Variants in RGCC observed in about 807,000 individuals in gnomAD.
RGCC encodes the protein regulator of cell cycle RGCC.
RGCC carries 15 observed loss-of-function variants against 15.4 expected under a neutral mutation model. The ratio of observed to expected loss-of-function variants is 0.97; its 90% CI spans 0.65 to 1.50. The LOEUF (loss-of-function observed/expected upper bound fraction) is 1.50, where lower values mean the gene tolerates loss of function less well. Among genes scored for constraint, RGCC ranks in the 40% most tolerant of loss-of-function variants. The pLI, the probability that RGCC is intolerant of heterozygous loss-of-function variation, is 0.00. For missense variants in RGCC, 176 were observed against 189.7 expected, an observed-to-expected ratio of 0.93 and a Z score of 0.42; for synonymous variants, 81 against 78.0, an observed-to-expected ratio of 1.04 and a Z score of -0.20.
chr13:41,469,376 G>A (rs1421180006), intron 4 of RGCC, among the ~76,000 whole-genome samples: 1 of 152,058 alleles, frequency 6.6e-6, no homozygotes, highest in Non-Finnish European at 1.5e-5. Context: ...GGATAAGCTT[G>A]TGTTAAAGTA....
Position 41,470,517 on chromosome 13 carries a change from G to A in RGCC, c.*32G>A. 6.2e-7 allele frequency: 1 copy of A among 1,611,518 alleles called. No individual in the cohort carries two copies. Among genetic ancestry groups the A allele is most frequent in the Non-Finnish European group, 8.5e-7 (1 of 1,177,804 alleles). ...AAGTTCTGGGTCCTTTCATCATAAGGGAGAAGCTTCAGAAAGTTCCGAGGA... is the reference window on the plus strand; with the variant it reads ...AAGTTCTGGGTCCTTTCATCATAAGAGAGAAGCTTCAGAAAGTTCCGAGGA... On this transcript the variant is annotated 3_prime_UTR_variant, in exon 5 of 5. Coordinates refer to ENST00000379359, the MANE Select transcript of RGCC (RefSeq NM_014059.3).
At position 41,457,827 on chromosome 13, in the gene RGCC, G is replaced by A; in HGVS notation, c.49+71G>A. ...TGGCGGGTGAGAAAGGAGGGGCCCCGTGTCGTCCCTTCACACCCCCCACCC... is the reference window on the plus strand; with the variant it reads ...TGGCGGGTGAGAAAGGAGGGGCCCCATGTCGTCCCTTCACACCCCCCACCC... On this transcript the variant is annotated intron_variant, in intron 1 of 4. Transcript: ENST00000379359. This position sits in a 1 kb window ranked among gnomAD's most constrained non-coding sequence, Gnocchi z 4.9. 1 of 1,346,378 alleles carries A rather than the reference G, an allele frequency of 7.4e-7. No homozygotes were observed. The highest frequency in any genetic ancestry group is 9.5e-7 in the Non-Finnish European group (1 of 1,048,000). 83.4% of individuals were successfully genotyped at this position (1,346,378 alleles called of 1,614,324 possible). A position where few individuals can be genotyped will look rare whatever the true frequency, so the allele number is the denominator to read the frequency against.
chr13:41,464,604 G>A (rs1483452515), intron 2 of RGCC, among the ~76,000 whole-genome samples: 2 of 152,168 alleles, frequency 1.3e-5, no homozygotes, highest in Non-Finnish European at 2.9e-5. Flanking sequence ...GGCTGGTTTT[G>A]TTTAACCGCA....
At chr13:41,462,074 G>A (rs1023554428) in intron 2 of RGCC, among the ~76,000 whole-genome samples, 1 of 152,202 alleles carries the variant, frequency 6.6e-6, no homozygotes, top group Non-Finnish European at 1.5e-5. Flanking sequence ...TTTTCAGGAG[G>A]AGAAGTCAAC....
chr13:41,463,469 CTG>C (rs67077388), intron 2 of RGCC, among the ~76,000 whole-genome samples: 75 of 121,190 alleles, frequency 6.2e-4, no homozygotes, highest in African/African-American at 9.9e-4. Flanking sequence ...TAATGTGTAT[CTG>C]TGTGTGTGTG....
chr13:41,459,048 G>T (rs572640342), intron 2 of RGCC, among the ~76,000 whole-genome samples: 3 of 152,222 alleles, frequency 2.0e-5, no homozygotes, highest in Admixed American at 2.0e-4. Flanking sequence ...TTTCAGCCAG[G>T]TCCTCCACCA....
intron 4 of RGCC, 126 bp downstream of exon 4, chr13:41,468,964 A>G: frequency 1.4e-6 from 1 of 693,528 alleles, no homozygotes; most frequent in Non-Finnish European, 2.4e-6. Context: ...CTATAGGTTT[A>G]GAAACAGGAC....
chr13:41,466,528 A>G (rs538239111), intron 2 of RGCC, among the ~76,000 whole-genome samples: 47 of 152,218 alleles, frequency 3.1e-4, no homozygotes, highest in South Asian at 8.3e-4. Flanking sequence ...AGCTGGGGCT[A>G]CAGACACACA....
At position 41,458,343 on chromosome 13, in the gene RGCC, C is replaced by T. The variant is rs1303136470; in HGVS notation, c.108C>T (p.Asp36=). The stretch of plus-strand genomic sequence containing the variant: ...TGTCGGACGCGCTGTGCGAGTTTGA[C>T]GCGGTGCTGGCCGACTTCGCGTCGC... ...EDLSDALCEF[D]AVLADFASPF... The change falls in exon 2 of 5, where the codon GAC becomes GAT. Residue 36 remains aspartate, a synonymous_variant. Transcript: ENST00000379359. The surrounding 1 kb of genome is among the most constrained non-coding windows in gnomAD (Gnocchi z 4.4). The T allele has an allele frequency of 1.3e-6, 2 of 1,590,256 alleles. No homozygotes were observed. The highest frequency in any genetic ancestry group is 1.7e-6 in the Non-Finnish European group (2 of 1,174,634).
rs546423304 is a variant in RGCC at position 41,462,604 on chromosome 13, C to T, written c.235+4134C>T. ...CAAATTATCACTGTTCTAGGTCCTTCGAGCCCCTATTAATAGCAGCACCTG... is the reference window on the plus strand; with the variant it reads ...CAAATTATCACTGTTCTAGGTCCTTTGAGCCCCTATTAATAGCAGCACCTG... On this transcript the variant is annotated intron_variant, in intron 2 of 4. Transcript: ENST00000379359. 3.3e-5 allele frequency among the ~76,000 whole-genome samples: 5 copies of T among 152,238 alleles called. No individual in the cohort carries two copies. In the South Asian group the frequency reaches 6.2e-4, roughly 19 times the overall value.
intron 2 of RGCC, among the ~76,000 whole-genome samples, chr13:41,459,947 G>A (rs1004793910): frequency 1.3e-5 from 2 of 152,196 alleles, no homozygotes; most frequent in African/African-American, 4.8e-5. Flanking sequence ...GTCTGAGCGC[G>A]CCCATTCATG....
intron 2 of RGCC, among the ~76,000 whole-genome samples, chr13:41,463,356 C>T (rs1466316945): frequency 6.6e-6 from 1 of 151,612 alleles, no homozygotes; most frequent in Non-Finnish European, 1.5e-5. Context: ...TCTTGGTGGT[C>T]GAAGGTTGAA....
chr13:41,463,469 CTGTGTGTGTGTG>C (rs67077388), intron 2 of RGCC, among the ~76,000 whole-genome samples: 81,451 of 120,912 alleles, frequency 0.67, 29,255 homozygotes, highest in South Asian at 0.87. Flanking sequence ...TAATGTGTAT[CTGTGTGTGTGTG>C]TGTGTGTGTG....
intron 2 of RGCC, among the ~76,000 whole-genome samples, chr13:41,462,338 T>G (rs144872561): frequency 6.6e-4 from 100 of 152,352 alleles, no homozygotes; most frequent in Middle Eastern, 3.4e-3. Flanking sequence ...AGCCTCTATT[T>G]TGCAGCAGTG....
In RGCC at chr13:41,458,737, T is replaced by G. The variant is rs558217546; in HGVS notation, c.235+267T>G. On this transcript the variant is annotated intron_variant, in intron 2 of 4. Coordinates refer to ENST00000379359, the MANE Select transcript of RGCC (RefSeq NM_014059.3). This position sits in a 1 kb window ranked among gnomAD's most constrained non-coding sequence, Gnocchi z 4.4. ...CCCGACTCAGCCAGACAGGACTCCCTGGACCTGCACCAGGCCTTTCCGCAG... is the reference window on the plus strand; with the variant it reads ...CCCGACTCAGCCAGACAGGACTCCCGGGACCTGCACCAGGCCTTTCCGCAG... Among the ~76,000 whole-genome samples, 12 of 152,280 alleles carry G rather than the reference T, an allele frequency of 7.9e-5. 1 individual carries two copies. The highest frequency in any genetic ancestry group is 2.9e-4 in the African/African-American group (12 of 41,562).
intron 3 of RGCC, among the ~76,000 whole-genome samples, chr13:41,468,155 T>C (rs1029995270): frequency 6.6e-6 from 1 of 152,210 alleles, no homozygotes; most frequent in African/African-American, 2.4e-5. Context: ...CCCAGAAGAC[T>C]CATGGCACCT....
chr13:41,457,568 G>C lies in RGCC; in HGVS notation c.-140G>C. 7.3e-7 allele frequency: 1 copy of C among 1,370,560 alleles called. No homozygotes were observed. The highest frequency in any genetic ancestry group is 1.6e-5 in the South Asian group (1 of 63,922). The allele number at this position is 1,370,560 out of a possible 1,614,324, so 84.9% of individuals were successfully genotyped here. On this transcript the variant is annotated 5_prime_UTR_variant, in exon 1 of 5. Coordinates refer to ENST00000379359, the MANE Select transcript of RGCC (RefSeq NM_014059.3). This position sits in a 1 kb window ranked among gnomAD's most constrained non-coding sequence, Gnocchi z 4.9. ...CGGTGGTAGGGCGGGCGCGGACCGTGCTGGGAGCGGCGCGGCTGGAGCGCA... is the reference window on the plus strand; with the variant it reads ...CGGTGGTAGGGCGGGCGCGGACCGTCCTGGGAGCGGCGCGGCTGGAGCGCA...
rs2043870592 is a variant in RGCC at position 41,470,459 on chromosome 13, AC to A, written c.407-17del. 1 of 1,612,862 alleles carries A rather than the reference AC, an allele frequency of 6.2e-7. No homozygotes were observed. The highest frequency in any genetic ancestry group is 1.3e-5 in the African/African-American group (1 of 74,876). ...TGTGAGCCTCTGAGTGGATAACCTT[AC>A]CTATCTCTCATTTACAGGTATGTGA... On this transcript the variant is annotated intron_variant, in intron 4 of 4. Transcript: ENST00000379359.
Position 41,468,850 on chromosome 13 carries a change from T to C in RGCC, c.406+12T>C. On this transcript the variant is annotated intron_variant, in intron 4 of 4. Transcript: ENST00000379359. ...CAAAACTTTAGCAAGTAAGTACATG[T>C]CTGATATTAAAAACAAAAAAACAAA... is the stretch of plus-strand genomic sequence containing the variant. 2 of 1,584,340 alleles carry C rather than the reference T, an allele frequency of 1.3e-6. No homozygotes were observed. The highest frequency in any genetic ancestry group is 1.7e-6 in the Non-Finnish European group (2 of 1,164,740).
Sources: gnomAD v4.1 joint callset for allele counts (sites outside exome capture counted in the v4.1 genomes callset) on GRCh38, gnomAD v4.1.1 for gene constraint, Gnocchi (gnomAD v3.1) non-coding constraint, MANE v1.5 for transcripts, NCBI Gene and HGNC (gene_info 2026-07-23, HGNC 2026-07-21) for gene names.